Variants in SLC35F1 observed in about 807,000 individuals in gnomAD.
SLC35F1 encodes the protein chromosome 6 open reading frame 169.
SLC35F1 carries 14 observed loss-of-function variants against 48.7 expected under a neutral mutation model. That is an observed-to-expected ratio of 0.29 (90% CI 0.19 to 0.45). The LOEUF is 0.45. Among genes scored for constraint, SLC35F1 ranks in the 20% least tolerant of loss-of-function variants. SLC35F1 has a pLI of 1.00. For missense variants in SLC35F1, 404 were observed against 500.0 expected (o/e 0.81, Z 1.83); for synonymous variants, 190 against 202.2 (o/e 0.94, Z 0.51).
chr6:118,020,510 T>A (rs2114883942), intron 1 of SLC35F1, among the ~76,000 whole-genome samples: 1 of 152,316 alleles, frequency 6.6e-6, no homozygotes, highest in East Asian at 1.9e-4. Flanking sequence ...AAAAAGTGTT[T>A]GATTGGAAAG....
At chr6:117,968,095 C>T (rs1484020567) in intron 1 of SLC35F1, among the ~76,000 whole-genome samples, 1 of 152,110 alleles carries the variant, frequency 6.6e-6, no homozygotes, top group Non-Finnish European at 1.5e-5. Flanking sequence ...CTTCTATACC[C>T]TAGTAGAACT....
chr6:118,101,162 A>T (rs919171736), intron 1 of SLC35F1, among the ~76,000 whole-genome samples: 2 of 152,234 alleles, frequency 1.3e-5, no homozygotes, highest in Non-Finnish European at 1.5e-5. Context: ...TTCTCCTGGC[A>T]TTTCTGCAAA....
chr6:118,306,604 T>G (rs1346711462), intron 7 of SLC35F1, among the ~76,000 whole-genome samples: 2 of 152,172 alleles, frequency 1.3e-5, no homozygotes, highest in Non-Finnish European at 2.9e-5. Context: ...CTACTGATAA[T>G]AAGAACGATG....
chr6:117,954,382 A>G (rs1488372807), intron 1 of SLC35F1, among the ~76,000 whole-genome samples: 16 of 152,000 alleles, frequency 1.1e-4, no homozygotes, highest in Admixed American at 1.0e-3. Context: ...CAGCCTCCCG[A>G]GTAGCTGGGA....
chr6:118,040,395 G>A (rs1772196383), intron 1 of SLC35F1, among the ~76,000 whole-genome samples: 1 of 152,068 alleles, frequency 6.6e-6, no homozygotes, highest in South Asian at 2.1e-4. Context: ...GAATTTGTAG[G>A]CATAATCAGC....
At chr6:117,910,186 A>G (rs907395930) in intron 1 of SLC35F1, among the ~76,000 whole-genome samples, 10 of 152,224 alleles carry the variant, frequency 6.6e-5, no homozygotes, top group African/African-American at 2.4e-4. Flanking sequence ...AATTATGTCA[A>G]TGAGAGCCTT....
chr6:117,964,837 T>C (rs1387387535), intron 1 of SLC35F1, among the ~76,000 whole-genome samples: 2 of 152,200 alleles, frequency 1.3e-5, no homozygotes, highest in Non-Finnish European at 2.9e-5. Context: ...AAGGCTTTAA[T>C]CCAGTGCTGC....
intron 2 of SLC35F1, among the ~76,000 whole-genome samples, chr6:118,189,869 G>T (rs1361354208): frequency 6.6e-6 from 1 of 152,198 alleles, no homozygotes; most frequent in Non-Finnish European, 1.5e-5. Flanking sequence ...TCACAGGTTG[G>T]CATTTGCCTT....
At chr6:118,199,684 G>A (rs903497197) in intron 2 of SLC35F1, among the ~76,000 whole-genome samples, 1 of 152,076 alleles carries the variant, frequency 6.6e-6, no homozygotes, top group African/African-American at 2.4e-5. Flanking sequence ...GGTAAAACTA[G>A]TCAATGTCTA....
At chr6:118,185,763 T>C (rs1321032203) in intron 2 of SLC35F1, among the ~76,000 whole-genome samples, 1 of 152,126 alleles carries the variant, frequency 6.6e-6, no homozygotes, top group Non-Finnish European at 1.5e-5. Flanking sequence ...ACTCATCCAG[T>C]AGACCCTTGA....
chr6:118,049,593 A>C (rs1280400371), intron 1 of SLC35F1, among the ~76,000 whole-genome samples: 18 of 151,530 alleles, frequency 1.2e-4, no homozygotes, highest in South Asian at 1.0e-3. Flanking sequence ...ACATTTATGC[A>C]GCCAAAAAAC....
At chr6:117,994,903 A>G (rs1019804656) in intron 1 of SLC35F1, among the ~76,000 whole-genome samples, 1 of 152,222 alleles carries the variant, frequency 6.6e-6, no homozygotes, top group East Asian at 1.9e-4. Context: ...AATTAATACA[A>G]TTTAAAATGT....
At chr6:117,908,113 G>A (rs1197421875) in intron 1 of SLC35F1, among the ~76,000 whole-genome samples, 7 of 152,242 alleles carry the variant, frequency 4.6e-5, no homozygotes, top group Non-Finnish European at 1.0e-4. Flanking sequence ...TGGAGCTGCA[G>A]CTGGTCCGAG....
chr6:118,062,460 A>G (rs940076313), intron 1 of SLC35F1, among the ~76,000 whole-genome samples: 5 of 152,198 alleles, frequency 3.3e-5, no homozygotes, highest in Non-Finnish European at 7.4e-5. Flanking sequence ...TAATTACATC[A>G]TGGAGAATGG....
At chr6:118,176,714 A>G (rs1774494147) in intron 2 of SLC35F1, among the ~76,000 whole-genome samples, 1 of 152,120 alleles carries the variant, frequency 6.6e-6, no homozygotes, top group South Asian at 2.1e-4. Flanking sequence ...TACAAGGTAC[A>G]TTCATTTTGT....
At chr6:118,007,825 A>T (rs910712570) in intron 1 of SLC35F1, among the ~76,000 whole-genome samples, 2 of 151,996 alleles carry the variant, frequency 1.3e-5, no homozygotes, top group African/African-American at 4.8e-5. Context: ...TGGAGAATTC[A>T]GTTTTAGGTT....
At chr6:118,120,117 C>T (rs958392908) in intron 1 of SLC35F1, among the ~76,000 whole-genome samples, 4 of 152,086 alleles carry the variant, frequency 2.6e-5, no homozygotes, top group Non-Finnish European at 5.9e-5. Context: ...TACAATTTGG[C>T]GAACTACATG....
chr6:118,149,637 T>C (rs555451912), intron 1 of SLC35F1, among the ~76,000 whole-genome samples: 15 of 152,288 alleles, frequency 9.8e-5, no homozygotes, highest in Non-Finnish European at 1.8e-4. Context: ...TTCCTTTCAT[T>C]CCTTCCGGTT....
chr6:118,164,442 G>T (rs1394770427), intron 2 of SLC35F1, among the ~76,000 whole-genome samples: 1 of 152,006 alleles, frequency 6.6e-6, no homozygotes, highest in Non-Finnish European at 1.5e-5. Context: ...TAGGATCTGG[G>T]CTTTTCTTAT....
Sources: allele counts gnomAD v4.1 joint callset (sites outside exome capture counted in the v4.1 genomes callset), GRCh38; gene constraint gnomAD v4.1.1; transcripts MANE v1.5; gene names NCBI Gene and HGNC (gene_info 2026-07-23, HGNC 2026-07-21).